The following FOXL2NB variants were observed in gnomAD, a reference collection of about 807,000 sequenced individuals.
FOXL2NB encodes FOXL2 neighbor protein.
A neutral mutation model predicts 7.4 loss-of-function variants in FOXL2NB; 10 were observed. The observed-to-expected ratio is 1.34, with a 90% CI of 0.83 to 2.28. The LOEUF (loss-of-function observed/expected upper bound fraction) is 2.28, where lower values mean the gene tolerates loss of function less well. FOXL2NB is among the 30% of genes most tolerant of loss of function. The pLI is 0.00. For synonymous variants in FOXL2NB, 104 were observed against 105.3 expected, an observed-to-expected ratio of 0.99 and a Z score of 0.08; for missense variants, 228 against 233.9, an observed-to-expected ratio of 0.97 and a Z score of 0.17.
Position 138,950,672 on chromosome 3 carries a change from CCTCCA to C in FOXL2NB, c.*104_*108del. The C allele has an allele frequency of 2.3e-6, 3 of 1,286,856 alleles. No individual in the cohort carries two copies. The highest frequency in any genetic ancestry group is 3.3e-6 in the Non-Finnish European group (3 of 907,384). 79.7% of individuals were successfully genotyped at this position (1,286,856 alleles called of 1,614,324 possible). ...ACCCACACCTCAGGGACTCGGTGTC[CCTCCA>C]CTCAGGTCACGTTACTCCATCCACT... On this transcript the variant is annotated 3_prime_UTR_variant, in exon 3 of 3. Transcript: ENST00000383165.
Position 138,949,456 on chromosome 3 carries a change from T to A in FOXL2NB, c.101-64T>A, listed in dbSNP as rs1455559119. The A allele has an allele frequency of 3.1e-6, 5 of 1,597,764 alleles. No homozygotes were observed. The highest frequency in any genetic ancestry group is 4.3e-6 in the Non-Finnish European group (5 of 1,169,868). On this transcript the variant is annotated intron_variant, in intron 1 of 2. Transcript: ENST00000383165. The surrounding 1 kb of genome is among the most constrained non-coding windows in gnomAD (Gnocchi z 4.5). Reference sequence around the variant, plus strand: ...AAATGAAGGAGTTCCTCTGAAGGATTTTCAGAATAGAAAGGAGTTCTGCTC... The same window carrying A: ...AAATGAAGGAGTTCCTCTGAAGGATATTCAGAATAGAAAGGAGTTCTGCTC...
rs982884329 is a variant in FOXL2NB at position 138,953,522 on chromosome 3, C to A, written c.*2950C>A. ...GTATATATATCACATTTTCTTTATCCACTCATTGGTTGATGGGCATTTAGC... is the reference window on the plus strand; with the variant it reads ...GTATATATATCACATTTTCTTTATCAACTCATTGGTTGATGGGCATTTAGC... On this transcript the variant is annotated 3_prime_UTR_variant, in exon 3 of 3. Transcript: ENST00000383165. 1.3e-5 allele frequency: 2 copies of A among 152,096 alleles called. No individual in the cohort carries two copies. Among genetic ancestry groups the A allele is most frequent in the African/African-American group, 4.8e-5 (2 of 41,414 alleles). The allele number at this position is 152,096 out of a possible 1,614,324, so 9.4% of individuals were successfully genotyped here.
chr3:138,951,754 C>T lies in FOXL2NB; in HGVS notation c.*1182C>T, dbSNP rs555782407. On this transcript the variant is annotated 3_prime_UTR_variant, in exon 3 of 3. Transcript: ENST00000383165. ...AGTAGGCCTCAGGCTTGCTGGGGAA[C>T]ATGATGTGTTCTTAAAAGTTGCCTT... 6.6e-6 allele frequency: 1 copy of T among 152,396 alleles called. No homozygotes were observed. Among genetic ancestry groups the T allele is most frequent in the Admixed American group, 6.5e-5 (1 of 15,312 alleles). 9.4% of individuals were successfully genotyped at this position (152,396 alleles called of 1,614,324 possible). A position where few individuals can be genotyped will look rare whatever the true frequency, so the allele number is the denominator to read the frequency against.
chr3:138,947,440 C>T lies in FOXL2NB; in HGVS notation c.76C>T (p.Leu26Phe). The T allele has an allele frequency of 6.5e-7, 1 of 1,546,184 alleles. No individual in the cohort carries two copies. The highest frequency in any genetic ancestry group is 8.7e-7 in the Non-Finnish European group (1 of 1,143,766). Residue 26 changes from leucine (L) to phenylalanine (F), a missense_variant, in exon 1 of 3, where the codon CTC becomes TTC. Coordinates refer to ENST00000383165, the MANE Select transcript of FOXL2NB (RefSeq NM_001040061.3). The surrounding 1 kb of genome is among the most constrained non-coding windows in gnomAD (Gnocchi z 5.2). ...RKLGPQRGKA[L>F]QASSRLSESP... ...GCTCGGGCCCCAGCGAGGAAAGGCGCTCCAAGCCTCCTCGCGGCTTTCAGG... is the reference window on the plus strand; with the variant it reads ...GCTCGGGCCCCAGCGAGGAAAGGCGTTCCAAGCCTCCTCGCGGCTTTCAGG...
intron 2 of FOXL2NB, 109 bp from the exon 3 acceptor site, chr3:138,950,156 C>A (rs959293981): frequency 1.7e-6 from 2 of 1,183,934 alleles, no homozygotes; most frequent in Non-Finnish European, 2.5e-6. Context: ...GCCGATTGAG[C>A]GCAGTCTCAG....
Position 138,947,687 on chromosome 3 carries a change from G to A in FOXL2NB, c.100+223G>A. 2 of 1,301,418 alleles carry A rather than the reference G, an allele frequency of 1.5e-6. No individual in the cohort carries two copies. 80.6% of individuals were successfully genotyped at this position (1,301,418 alleles called of 1,614,324 possible). On this transcript the variant is annotated intron_variant, in intron 1 of 2. Transcript: ENST00000383165. The surrounding 1 kb of genome is among the most constrained non-coding windows in gnomAD (Gnocchi z 5.2). ...GCTCTCAGAGTGACTGGGCTGGAAT[G>A]GGGCAGGGGAGAGGATCTCTGGAAA...
Position 138,949,562 on chromosome 3 carries a change from C to T in FOXL2NB, c.143C>T (p.Thr48Ile). The T allele has an allele frequency of 6.2e-7, 1 of 1,614,128 alleles. No individual in the cohort carries two copies. Among genetic ancestry groups the T allele is most frequent in the African/African-American group, 1.3e-5 (1 of 75,040 alleles). The change falls in exon 2 of 3, where the codon ACC (threonine) becomes ATC (isoleucine). Residue 48 changes from threonine to isoleucine, a missense_variant. By Grantham distance (89) the Thr-to-Ile change is moderately conservative. Transcript: ENST00000383165. The surrounding 1 kb of genome is among the most constrained non-coding windows in gnomAD (Gnocchi z 4.5). Reference protein sequence around the residue: ...LVKKRMPDACTLGRAGIGLPK... With the variant: ...LVKKRMPDACILGRAGIGLPK... ...AAGAAGAGGATGCCTGATGCGTGCA[C>T]CCTGGGAAGGGCTGGAATCGGTCTC...
chr3:138,947,757 G>T lies in FOXL2NB; in HGVS notation c.100+293G>T. ...CTGAATCACCTCTGCCTCTCCCTGC[G>T]TTACCAGTGGATCTAGGAACCAGGA... On this transcript the variant is annotated intron_variant, in intron 1 of 2. Coordinates refer to ENST00000383165, the MANE Select transcript of FOXL2NB (RefSeq NM_001040061.3). This position sits in a 1 kb window ranked among gnomAD's most constrained non-coding sequence, Gnocchi z 5.2. 8.8e-7 allele frequency: 1 copy of T among 1,141,500 alleles called. No homozygotes were observed. The highest frequency in any genetic ancestry group is 1.1e-6 in the Non-Finnish European group (1 of 929,536). The allele number at this position is 1,141,500 out of a possible 1,614,324, so 70.7% of individuals were successfully genotyped here.
At position 138,950,872 on chromosome 3, in the gene FOXL2NB, C is replaced by T. The variant is rs925573015; in HGVS notation, c.*300C>T. 21 of 405,452 alleles carry T rather than the reference C, an allele frequency of 5.2e-5. No individual in the cohort carries two copies. Among genetic ancestry groups the T allele is most frequent in the Admixed American group, 9.5e-5 (2 of 21,044 alleles). The allele number at this position is 405,452 out of a possible 1,614,324, so 25.1% of individuals were successfully genotyped here. A position where few individuals can be genotyped will look rare whatever the true frequency, so the allele number is the denominator to read the frequency against. On this transcript the variant is annotated 3_prime_UTR_variant, in exon 3 of 3. Transcript: ENST00000383165. ...AGGCTTTTCACACGCTGCTCACTTT[C>T]GCATCTCACGGTGCAGAAGGACCAA...
Position 138,947,663 on chromosome 3 carries a change from C to T in FOXL2NB, c.100+199C>T. ...GCCTCGGCCTGGCCTGTCCCTCGCG[C>T]TCTCAGAGTGACTGGGCTGGAATGG... is the stretch of plus-strand genomic sequence containing the variant. On this transcript the variant is annotated intron_variant, in intron 1 of 2. Coordinates refer to ENST00000383165, the MANE Select transcript of FOXL2NB (RefSeq NM_001040061.3). The surrounding 1 kb of genome is among the most constrained non-coding windows in gnomAD (Gnocchi z 5.2). 1.5e-6 allele frequency: 2 copies of T among 1,349,560 alleles called. No homozygotes were observed. The highest frequency in any genetic ancestry group is 3.6e-5 in the Admixed American group (1 of 27,860). The allele number at this position is 1,349,560 out of a possible 1,614,324, so 83.6% of individuals were successfully genotyped here.
rs1199079551 is a variant in FOXL2NB, at chr3:138,951,409, T to G, written c.*837T>G. ...CTTGAGAGGCAGTAGACCAGAGCTCTGGGCTCCTCTTTACCTTGCTGATGT... is the reference window on the plus strand; with the variant it reads ...CTTGAGAGGCAGTAGACCAGAGCTCGGGGCTCCTCTTTACCTTGCTGATGT... On this transcript the variant is annotated 3_prime_UTR_variant, in exon 3 of 3. Transcript: ENST00000383165. The G allele has an allele frequency of 1.3e-5, 2 of 152,388 alleles. No homozygotes were observed. Among genetic ancestry groups the G allele is most frequent in the Middle Eastern group, 6.8e-3 (2 of 294 alleles). The allele number at this position is 152,388 out of a possible 1,614,324, so 9.4% of individuals were successfully genotyped here. A position where few individuals can be genotyped will look rare whatever the true frequency, so the allele number is the denominator to read the frequency against.
At position 138,953,365 on chromosome 3, in the gene FOXL2NB, A is replaced by C. The variant is rs1402767841; in HGVS notation, c.*2793A>C. 6.6e-6 allele frequency: 1 copy of C among 152,240 alleles called. No individual in the cohort carries two copies. Among genetic ancestry groups the C allele is most frequent in the African/African-American group, 2.4e-5 (1 of 41,460 alleles). The allele number at this position is 152,240 out of a possible 1,614,324, so 9.4% of individuals were successfully genotyped here. On this transcript the variant is annotated 3_prime_UTR_variant, in exon 3 of 3. Coordinates refer to ENST00000383165, the MANE Select transcript of FOXL2NB (RefSeq NM_001040061.3). The stretch of plus-strand genomic sequence containing the variant: ...TCTTCATAGCTTAGCTCCCACTTAT[A>C]AATGAAAACACAGGATATTTGGTTT...
In FOXL2NB at chr3:138,951,010, C is replaced by G. The variant is rs77164417; in HGVS notation, c.*438C>G. 5.8e-3 allele frequency: 1,255 copies of G among 214,808 alleles called. 91 individuals carry two copies. The East Asian group carries it at 0.17, about 30-fold the overall frequency. 13.3% of individuals were successfully genotyped at this position (214,808 alleles called of 1,614,324 possible). A position where few individuals can be genotyped will look rare whatever the true frequency, so the allele number is the denominator to read the frequency against. The stretch of plus-strand genomic sequence containing the variant: ...CTGGGTGTTTTCATGATGGGACTGC[C>G]GCACAGACCACAGAGAAGCTCAGGT... On this transcript the variant is annotated 3_prime_UTR_variant, in exon 3 of 3. Coordinates refer to ENST00000383165, the MANE Select transcript of FOXL2NB (RefSeq NM_001040061.3).
Position 138,952,169 on chromosome 3 carries a change from GTC to G in FOXL2NB, c.*1601_*1602del, listed in dbSNP as rs1936144175. 6.6e-6 allele frequency: 1 copy of G among 152,264 alleles called. No homozygotes were observed. The highest frequency in any genetic ancestry group is 2.4e-5 in the African/African-American group (1 of 41,474). The allele number at this position is 152,264 out of a possible 1,614,324, so 9.4% of individuals were successfully genotyped here. A position where few individuals can be genotyped will look rare whatever the true frequency, so the allele number is the denominator to read the frequency against. On this transcript the variant is annotated 3_prime_UTR_variant, in exon 3 of 3. Coordinates refer to ENST00000383165, the MANE Select transcript of FOXL2NB (RefSeq NM_001040061.3). ...ACTAGACTTTACTGGAAACAGAGAA[GTC>G]TCTGCATTCAGGGCAGCTGGCTTGC...
rs1000004840 is a variant in FOXL2NB, at chr3:138,952,060, A to G, written c.*1488A>G. 2 of 152,230 alleles carry G rather than the reference A, an allele frequency of 1.3e-5. No individual in the cohort carries two copies. The highest frequency in any genetic ancestry group is 2.4e-5 in the African/African-American group (1 of 41,440). The allele number at this position is 152,230 out of a possible 1,614,324, so 9.4% of individuals were successfully genotyped here. A position where few individuals can be genotyped will look rare whatever the true frequency, so the allele number is the denominator to read the frequency against. Reference sequence around the variant, plus strand: ...TGCCATTTGGGGTTATTATAGCTGCATGGCCATGGTGCTGAACCTTAGGCA... The same window carrying G: ...TGCCATTTGGGGTTATTATAGCTGCGTGGCCATGGTGCTGAACCTTAGGCA... On this transcript the variant is annotated 3_prime_UTR_variant, in exon 3 of 3. Coordinates refer to ENST00000383165, the MANE Select transcript of FOXL2NB (RefSeq NM_001040061.3).
chr3:138,948,683 G>C (rs1936046672), intron 1 of FOXL2NB, among the ~76,000 whole-genome samples: 1 of 152,184 alleles, frequency 6.6e-6, no homozygotes, highest in Non-Finnish European at 1.5e-5. Flanking sequence ...GGGTTCTCCT[G>C]AAGCCCAAGG....
chr3:138,953,497 G>A lies in FOXL2NB; in HGVS notation c.*2925G>A, dbSNP rs111863111. On this transcript the variant is annotated 3_prime_UTR_variant, in exon 3 of 3. Coordinates refer to ENST00000383165, the MANE Select transcript of FOXL2NB (RefSeq NM_001040061.3). ...TTATGGCTGAGTAGTATTCCATGGT[G>A]TATATATATCACATTTTCTTTATCC... is the stretch of plus-strand genomic sequence containing the variant. The A allele has an allele frequency of 1.6e-4, 24 of 152,186 alleles. No individual in the cohort carries two copies. Among genetic ancestry groups the A allele is most frequent in the African/African-American group, 5.1e-4 (21 of 41,448 alleles). 9.4% of individuals were successfully genotyped at this position (152,186 alleles called of 1,614,324 possible).
Position 138,947,279 on chromosome 3 carries a change from C to T in FOXL2NB, c.-86C>T, listed in dbSNP as rs1201082215. The T allele has an allele frequency of 9.2e-7, 1 of 1,085,576 alleles. No homozygotes were observed. The highest frequency in any genetic ancestry group is 1.6e-5 in the African/African-American group (1 of 62,334). The allele number at this position is 1,085,576 out of a possible 1,614,324, so 67.2% of individuals were successfully genotyped here. ...ACAGCCTGGACCGGCCTGCCCCCGC[C>T]CAGCGAGCCTCAGGGGCCCAGCCGA... On this transcript the variant is annotated 5_prime_UTR_variant, in exon 1 of 3. Coordinates refer to ENST00000383165, the MANE Select transcript of FOXL2NB (RefSeq NM_001040061.3). The surrounding 1 kb of genome is among the most constrained non-coding windows in gnomAD (Gnocchi z 5.2).
Position 138,947,466 on chromosome 3 carries a change from T to C in FOXL2NB, c.100+2T>C. 1 of 1,539,266 alleles carries C rather than the reference T, an allele frequency of 6.5e-7. No individual in the cohort carries two copies. Among genetic ancestry groups the C allele is most frequent in the Non-Finnish European group, 8.8e-7 (1 of 1,139,518 alleles). ...TCCAAGCCTCCTCGCGGCTTTCAGGTGAAAGAAAACGACTCCTTTGCTCTG... is the reference window on the plus strand; with the variant it reads ...TCCAAGCCTCCTCGCGGCTTTCAGGCGAAAGAAAACGACTCCTTTGCTCTG... On this transcript the variant is annotated splice_donor_variant, in intron 1 of 2. Transcript: ENST00000383165. LOFTEE classifies it high-confidence loss of function. This position sits in a 1 kb window ranked among gnomAD's most constrained non-coding sequence, Gnocchi z 5.2.
Sources: gnomAD v4.1 joint callset for allele counts (sites outside exome capture counted in the v4.1 genomes callset) on GRCh38, gnomAD v4.1.1 for gene constraint, Gnocchi (gnomAD v3.1) non-coding constraint, MANE v1.5 for transcripts, NCBI Gene and HGNC (gene_info 2026-07-23, HGNC 2026-07-21) for gene names.